The following COL4A4 variants were observed in gnomAD, a reference collection of about 807,000 sequenced individuals.
COL4A4 encodes collagen type IV alpha 4 chain.
A neutral mutation model predicts 192.9 loss-of-function variants in COL4A4; 105 were observed. The observed-to-expected ratio is 0.54, with a 90% CI of 0.46 to 0.64. COL4A4 has a LOEUF of 0.64. Among genes scored for constraint, COL4A4 ranks in the 30% least tolerant of loss-of-function variants. COL4A4 has a pLI of 0.00. For synonymous variants in COL4A4, 762 were observed against 769.9 expected (o/e 0.99, Z 0.17); for missense variants, 1,967 against 2,169.3 (o/e 0.91, Z 1.85).
intron 46 of COL4A4, among the ~76,000 whole-genome samples, chr2:227,009,608 G>T (rs1963088026): frequency 6.6e-6 from 1 of 151,858 alleles, no homozygotes; most frequent in African/African-American, 2.4e-5. Flanking sequence ...TGAGGCAGGA[G>T]AATCGCTCGA....
chr2:226,984,715 A>G, the COL4A4 span, among the ~76,000 whole-genome samples: 1 of 152,196 alleles, frequency 6.6e-6, no homozygotes, highest in African/African-American at 2.4e-5. Context: ...AGACTTTTGC[A>G]GATTCCTAGA....
intron 35 of COL4A4, among the ~76,000 whole-genome samples, chr2:227,044,010 TA>T (rs1488386382): frequency 4.6e-5 from 7 of 152,218 alleles, no homozygotes; most frequent in Admixed American, 4.6e-4. Flanking sequence ...TCTAAAAATT[TA>T]AAGCAGTCCT....
At chr2:227,101,632 A>T in intron 16 of COL4A4, 75 bp from the exon 17 acceptor site, 9 of 1,418,746 alleles carry the variant, frequency 6.3e-6, no homozygotes, top group African/African-American at 1.4e-5. Flanking sequence ...CATTTAATTT[A>T]AGCAACACAT....
intron 4 of COL4A4, among the ~76,000 whole-genome samples, chr2:227,127,339 A>G (rs2062149255): frequency 6.6e-6 from 1 of 152,342 alleles, no homozygotes; most frequent in Admixed American, 6.5e-5. Context: ...TTCAAAGGCC[A>G]AATTGACACC....
intron 20 of COL4A4, among the ~76,000 whole-genome samples, chr2:227,092,075 A>G (rs557178106): frequency 6.6e-6 from 1 of 152,288 alleles, no homozygotes; most frequent in African/African-American, 2.4e-5. Context: ...ACAAAAAAAA[A>G]GAGCTCCTAT....
chr2:227,024,174 C>A (rs779622497), intron 43 of COL4A4, among the ~76,000 whole-genome samples: 3 of 152,296 alleles, frequency 2.0e-5, no homozygotes, highest in Non-Finnish European at 4.4e-5. Flanking sequence ...CAGGAACTCT[C>A]AATATCTGGG....
chr2:227,041,850 GAAAGAAAGAAAGAA>G (rs1971332132), intron 37 of COL4A4, among the ~76,000 whole-genome samples: 1 of 64,086 alleles, frequency 1.6e-5, no homozygotes, highest in African/African-American at 7.7e-5. Flanking sequence ...GAAAGAAAGA[GAAAGAAAGAAAGAA>G]AGAAAGAAAG....
chr2:227,050,162 T>A lies in COL4A4; in HGVS notation c.3151-31A>T, dbSNP rs572279679. ...AGTTTAATGAAACAAAAGGCCTTAATCAGATTTCAAATACAAATGGCACAT... is the reference window on the plus strand; with the variant it reads ...AGTTTAATGAAACAAAAGGCCTTAAACAGATTTCAAATACAAATGGCACAT... On this transcript the variant is annotated intron_variant, in intron 33 of 47. Transcript: ENST00000396625. The A allele has an allele frequency of 3.9e-4, 621 of 1,594,726 alleles. 5 individuals are homozygous for A. The South Asian group carries it at 6.4e-3, about 16-fold the overall frequency.
At chr2:227,046,069 A>G (rs371058690) in intron 35 of COL4A4, among the ~76,000 whole-genome samples, 25 of 59,628 alleles carry the variant, frequency 4.2e-4, no homozygotes, top group East Asian at 1.5e-3. Context: ...ACATATATAC[A>G]TATATATATT....
chr2:227,044,451 C>T (rs1034110985), intron 35 of COL4A4, among the ~76,000 whole-genome samples: 6 of 152,100 alleles, frequency 3.9e-5, no homozygotes, highest in Non-Finnish European at 8.8e-5. Context: ...GGGCTATAGT[C>T]ATCATTTATT....
intron 4 of COL4A4, among the ~76,000 whole-genome samples, chr2:227,130,128 G>A (rs1210300290): frequency 1.3e-5 from 2 of 152,206 alleles, no homozygotes; most frequent in Non-Finnish European, 2.9e-5. Flanking sequence ...AGACAATCCA[G>A]AGACTGGACT....
At chr2:227,022,281 A>T (rs1966161905) in intron 43 of COL4A4, 108 bp from the exon 44 acceptor site, 2 of 1,261,194 alleles carry the variant, frequency 1.6e-6, no homozygotes, top group South Asian at 2.4e-5. Context: ...GAAATTTAGT[A>T]CAAATTCAGT....
chr2:227,154,421 G>A (rs553701286), intron 1 of COL4A4, among the ~76,000 whole-genome samples: 1 of 152,296 alleles, frequency 6.6e-6, no homozygotes, highest in African/African-American at 2.4e-5. Flanking sequence ...CTAAGATTGG[G>A]GGACCAGATA....
chr2:226,973,860 G>A, the COL4A4 span, among the ~76,000 whole-genome samples: 1 of 152,198 alleles, frequency 6.6e-6, no homozygotes, highest in Non-Finnish European at 1.5e-5. Context: ...AGGCTACTGT[G>A]TGTTAGAATT....
At chr2:226,972,333 G>A in the COL4A4 span, among the ~76,000 whole-genome samples, 2 of 152,022 alleles carry the variant, frequency 1.3e-5, no homozygotes, top group African/African-American at 2.4e-5. Flanking sequence ...AATCATTGAT[G>A]GAAAAAGCCC....
At position 227,047,496 on chromosome 2, in the gene COL4A4, G is replaced by A. The variant is rs2150148962; in HGVS notation, c.3268C>T (p.Pro1090Ser). The stretch of plus-strand genomic sequence containing the variant: ...ATACCTGGACATCCAGGGCTACCTG[G>A]CTCACCCTTTGGACCAGGTGGACCA... Reference protein sequence around the residue: ...HFGPPGPKGEPGSPGCPGHFG... With the variant: ...HFGPPGPKGESGSPGCPGHFG... The change falls in exon 35 of 48, where the codon CCA becomes TCA. Residue 1090 changes from proline to serine, a missense_variant. By Grantham distance (74) the Pro-to-Ser change is moderately conservative. Transcript: ENST00000396625. 6.2e-7 allele frequency: 1 copy of A among 1,613,668 alleles called. No homozygotes were observed. The highest frequency in any genetic ancestry group is 2.2e-5 in the East Asian group (1 of 44,878).
At chr2:227,002,161 C>CCTGT (rs1466401828), downstream of COL4A4, among the ~76,000 whole-genome samples, 1 of 130,370 alleles carries the variant, frequency 7.7e-6, no homozygotes, top group Admixed American at 7.6e-5. Context: ...CAGGCAAGAC[C>CCTGT]CTGTCTCAAA....
chr2:227,130,603 T>C (rs1348590755), intron 4 of COL4A4, among the ~76,000 whole-genome samples: 2 of 152,178 alleles, frequency 1.3e-5, no homozygotes, highest in Non-Finnish European at 2.9e-5. Flanking sequence ...CCTGGCTTCT[T>C]GTCACTTTCT....
chr2:227,118,632 G>C lies in COL4A4; in HGVS notation c.489+13C>G. 2 of 1,564,356 alleles carry C rather than the reference G, an allele frequency of 1.3e-6. No homozygotes were observed. Among genetic ancestry groups the C allele is most frequent in the Non-Finnish European group, 1.8e-6 (2 of 1,134,734 alleles). On this transcript the variant is annotated intron_variant, in intron 7 of 47. Coordinates refer to ENST00000396625, the MANE Select transcript of COL4A4 (RefSeq NM_000092.5). ...CTTAAGATTCCTGTTAAGATGAACT[G>C]TGGGTATCTTACTAGGGGGCCTCCT...
Sources: allele counts gnomAD v4.1 joint callset (sites outside exome capture counted in the v4.1 genomes callset), GRCh38; gene constraint gnomAD v4.1.1; transcripts MANE v1.5; gene names NCBI Gene and HGNC (gene_info 2026-07-23, HGNC 2026-07-21).